CACNB2: variants seen among roughly 807,000 people sequenced by gnomAD.
CACNB2 encodes calcium voltage-gated channel auxiliary subunit beta 2.
A neutral mutation model predicts 73.3 loss-of-function variants in CACNB2; 42 were observed. The observed-to-expected ratio is 0.57, with a 90% CI of 0.45 to 0.74. The LOEUF is 0.74. Among genes scored for constraint, CACNB2 ranks in the 30% least tolerant of loss-of-function variants. CACNB2 has a pLI of 0.00. For missense variants in CACNB2, 940 were observed against 853.0 expected, an observed-to-expected ratio of 1.10 and a Z score of -1.27; for synonymous variants, 348 against 310.3, an observed-to-expected ratio of 1.12 and a Z score of -1.28.
At chr10:18,509,749 C>G (rs558949345) in intron 6 of CACNB2, among the ~76,000 whole-genome samples, 4 of 152,116 alleles carry the variant, frequency 2.6e-5, no homozygotes, top group Non-Finnish European at 4.4e-5. Flanking sequence ...ATGATTATGT[C>G]ACTGCACTCC....
At chr10:18,140,884 CCTTT>C (rs1447655162) in intron 1 of CACNB2, 28 bp downstream of exon 1, 3 of 1,574,926 alleles carry the variant, frequency 1.9e-6, no homozygotes, top group Admixed American at 1.9e-5. Flanking sequence ...CCTTCTCCTT[CCTTT>C]GTGAGCCGCC....
Position 18,392,385 on chromosome 10 carries a change from C to A in CACNB2, c.214-9539C>A, listed in dbSNP as rs191618306. On this transcript the variant is annotated intron_variant, in intron 2 of 13. Coordinates refer to ENST00000324631, the MANE Select transcript of CACNB2 (RefSeq NM_201596.3). ...CTGCTGATTGCTGGAGTAAGATGAG[C>A]ACTGAGAATCAGCCATCGATGTAGC... Among the ~76,000 whole-genome samples the A allele has an allele frequency of 1.4e-3, 218 of 152,242 alleles. 5 individuals carry two copies. Among genetic ancestry groups the A allele is most frequent in the Admixed American group, 0.013 (200 of 15,286 alleles).
intron 2 of CACNB2, among the ~76,000 whole-genome samples, chr10:18,348,463 G>GGATGGACA (rs2041564842): frequency 6.6e-6 from 1 of 152,072 alleles, no homozygotes; most frequent in African/African-American, 2.4e-5. Flanking sequence ...ATGGACGGAC[G>GGATGGACA]GATGGACAGA....
At chr10:18,187,930 A>T (rs1247380265) in intron 2 of CACNB2, among the ~76,000 whole-genome samples, 1 of 152,190 alleles carries the variant, frequency 6.6e-6, no homozygotes, top group African/African-American at 2.4e-5. Flanking sequence ...TGAAGGGCTG[A>T]CAACAGTGGT....
chr10:18,141,289 C>A, intron 1 of CACNB2: 1 of 1,306,650 alleles, frequency 7.7e-7, no homozygotes, highest in South Asian at 1.3e-5. Context: ...TGGCCACGCT[C>A]CGAGCCGGGG....
At chr10:18,372,001 C>A (rs1437601078) in intron 2 of CACNB2, among the ~76,000 whole-genome samples, 1 of 152,156 alleles carries the variant, frequency 6.6e-6, no homozygotes, top group Non-Finnish European at 1.5e-5. Context: ...TAAATGTCTT[C>A]TTTTGAGAAG....
chr10:18,511,850 G>T (rs950318915), intron 6 of CACNB2, among the ~76,000 whole-genome samples: 7 of 152,206 alleles, frequency 4.6e-5, no homozygotes, highest in Admixed American at 3.3e-4. Flanking sequence ...ACTCATTTAG[G>T]TGGGCACTGT....
chr10:18,470,593 C>CTCTA (rs1208139228), intron 3 of CACNB2, among the ~76,000 whole-genome samples: 1 of 151,790 alleles, frequency 6.6e-6, no homozygotes, highest in Non-Finnish European at 1.5e-5. Flanking sequence ...CTATCTAAAC[C>CTCTA]TGCTTCAGTT....
intron 2 of CACNB2, among the ~76,000 whole-genome samples, chr10:18,283,484 G>A (rs1588933350): frequency 6.6e-6 from 1 of 152,138 alleles, no homozygotes; most frequent in Non-Finnish European, 1.5e-5. Flanking sequence ...GGAACACTAT[G>A]CAGCCATAAA....
At chr10:18,183,540 C>T (rs1246532011) in intron 2 of CACNB2, among the ~76,000 whole-genome samples, 1 of 152,170 alleles carries the variant, frequency 6.6e-6, no homozygotes, top group Non-Finnish European at 1.5e-5. Flanking sequence ...TCTTACATGG[C>T]AGCAGGCAAG....
intron 3 of CACNB2, among the ~76,000 whole-genome samples, chr10:18,448,479 T>TAAAAAAAAAAAAAAAAA (rs56255761): frequency 5.6e-5 from 6 of 107,048 alleles, no homozygotes; most frequent in Non-Finnish European, 7.4e-5. Context: ...CTCTCTCATT[T>TAAAAAAAAAAAAAAAAA]AAAAAAAAAA....
chr10:18,416,321 C>T (rs758252033), intron 3 of CACNB2, among the ~76,000 whole-genome samples: 10 of 152,196 alleles, frequency 6.6e-5, no homozygotes, highest in Non-Finnish European at 1.2e-4. Context: ...TATTCCATTA[C>T]ATGTATAGAC....
intron 6 of CACNB2, 93 bp from the exon 7 acceptor site, chr10:18,514,143 T>G (rs1265638579): frequency 7.3e-6 from 10 of 1,369,952 alleles, no homozygotes; most frequent in Non-Finnish European, 1.0e-5. Context: ...TAGTTTTTTT[T>G]ACTATGGTTA....
At chr10:18,448,536 T>C (rs1336419481) in intron 3 of CACNB2, among the ~76,000 whole-genome samples, 1 of 149,700 alleles carries the variant, frequency 6.7e-6, no homozygotes, top group African/African-American at 2.5e-5. Context: ...AAAAAAAAGT[T>C]AGACTACAGA....
At chr10:18,402,113 G>C in intron 3 of CACNB2, 70 bp downstream of exon 3, 2 of 1,526,000 alleles carry the variant, frequency 1.3e-6, no homozygotes, top group Non-Finnish European at 1.8e-6. Context: ...ACCTGTGGGA[G>C]TTTCCCCTAA....
intron 3 of CACNB2, among the ~76,000 whole-genome samples, chr10:18,443,018 A>ATATATATACG: frequency 1.4e-5 from 1 of 69,984 alleles, no homozygotes; most frequent in Non-Finnish European, 2.9e-5. Flanking sequence ...ATATATGTAT[A>ATATATATACG]TATATATATA....
intron 3 of CACNB2, among the ~76,000 whole-genome samples, chr10:18,473,862 G>C (rs961630211): frequency 6.6e-6 from 1 of 152,134 alleles, no homozygotes; most frequent in Non-Finnish European, 1.5e-5. Context: ...TCTTGTATCA[G>C]AACCAGGGCC....
At chr10:18,271,125 T>C (rs2038036868) in intron 2 of CACNB2, among the ~76,000 whole-genome samples, 1 of 152,212 alleles carries the variant, frequency 6.6e-6, no homozygotes, top group Non-Finnish European at 1.5e-5. Flanking sequence ...GGTATAAGTG[T>C]TCCTTGGTCT....
intron 2 of CACNB2, among the ~76,000 whole-genome samples, chr10:18,342,854 A>G (rs1222458510): frequency 6.6e-6 from 1 of 152,124 alleles, no homozygotes; most frequent in East Asian, 1.9e-4. Context: ...GTATATTTAT[A>G]TGTGCCTGTA....
Sources: allele counts gnomAD v4.1 joint callset (sites outside exome capture counted in the v4.1 genomes callset), GRCh38; gene constraint gnomAD v4.1.1; transcripts MANE v1.5; gene names NCBI Gene and HGNC (gene_info 2026-07-23, HGNC 2026-07-21).